The following SMG6 variants were observed in gnomAD, a reference collection of about 807,000 sequenced individuals.
SMG6 encodes the protein telomerase-binding protein EST1A.
SMG6 carries 66 observed loss-of-function variants against 142.2 expected under a neutral mutation model. The ratio of observed to expected loss-of-function variants is 0.46; its 90% CI spans 0.38 to 0.57. The LOEUF (loss-of-function observed/expected upper bound fraction) is 0.57. SMG6 is among the 20% of genes least tolerant of loss of function. SMG6 has a pLI of 0.00. For missense variants in SMG6, 1,793 were observed against 1,832.0 expected, an observed-to-expected ratio of 0.98 and a Z score of 0.39; for synonymous variants, 779 against 702.4, an observed-to-expected ratio of 1.11 and a Z score of -1.72.
intron 8 of SMG6, among the ~76,000 whole-genome samples, chr17:2,281,904 C>A (rs566126713): frequency 1.3e-5 from 2 of 152,292 alleles, no homozygotes; most frequent in African/African-American, 2.4e-5. Flanking sequence ...TTTACCACCT[C>A]CCTTTCCTTC....
chr17:2,278,046 T>A (rs1024499859), intron 8 of SMG6, among the ~76,000 whole-genome samples: 3 of 151,936 alleles, frequency 2.0e-5, no homozygotes, highest in African/African-American at 7.3e-5. Flanking sequence ...AGATCCTATC[T>A]CTCAAAAAAA....
chr17:2,085,978 G>T lies in SMG6; in HGVS notation c.3358-77C>A. The T allele has an allele frequency of 6.9e-7, 1 of 1,444,020 alleles. No individual in the cohort carries two copies. The highest frequency in any genetic ancestry group is 9.7e-7 in the Non-Finnish European group (1 of 1,029,378). The allele number at this position is 1,444,020 out of a possible 1,614,324, so 89.5% of individuals were successfully genotyped here. A position where few individuals can be genotyped will look rare whatever the true frequency, so the allele number is the denominator to read the frequency against. Reference sequence around the variant, plus strand: ...GGAGACGAGATGTTGCTTGCCGGCTGAGGGGCACAGGGGAACTGTGTCAAA... The same window carrying T: ...GGAGACGAGATGTTGCTTGCCGGCTTAGGGGCACAGGGGAACTGTGTCAAA... On this transcript the variant is annotated intron_variant, in intron 13 of 18. Coordinates refer to ENST00000263073, the MANE Select transcript of SMG6 (RefSeq NM_017575.5). This position sits in a 1 kb window ranked among gnomAD's most constrained non-coding sequence, Gnocchi z 4.1.
chr17:2,188,495 G>A lies in SMG6; in HGVS notation c.2890C>T (p.Arg964Cys), dbSNP rs139528710. 152 of 1,614,004 alleles carry A rather than the reference G, an allele frequency of 9.4e-5. 1 individual carries two copies. In the African/African-American group the frequency reaches 1.6e-3, roughly 17 times the overall value. ...QLKDCFSEEC[R>C]SVIQEQAAAL... is the part of the protein sequence containing the mutation. ...GCGGCTTGTTCCTGGATCACAGAGCGGCACTCCTCCGAGAAGCAGTCTGCG... is the reference window on the plus strand; with the variant it reads ...GCGGCTTGTTCCTGGATCACAGAGCAGCACTCCTCCGAGAAGCAGTCTGCG... Residue 964 changes from arginine to cysteine, a missense_variant, in exon 11 of 19, where the codon CGC (arginine) becomes TGC (cysteine). Around this residue, in one of 3 missense-constraint regions of SMG6, gnomAD observed 1,597 missense variants for 1,584.6 expected, o/e 1.01. Coordinates refer to ENST00000263073, the MANE Select transcript of SMG6 (RefSeq NM_017575.5).
At chr17:2,117,751 G>C (rs954703190) in intron 13 of SMG6, 1 of 152,070 alleles carries the variant, frequency 6.6e-6, no homozygotes, top group Non-Finnish European at 1.5e-5. Flanking sequence ...AGCGTTTGTC[G>C]TAAGAATTTT....
intron 13 of SMG6, among the ~76,000 whole-genome samples, chr17:2,142,741 A>T (rs781683383): frequency 2.6e-5 from 4 of 151,770 alleles, no homozygotes; most frequent in African/African-American, 9.7e-5. Context: ...AAAAAAAATT[A>T]GCCAGGCGTG....
intron 13 of SMG6, among the ~76,000 whole-genome samples, chr17:2,108,354 C>T (rs777961106): frequency 2.0e-5 from 3 of 152,228 alleles, no homozygotes; most frequent in Admixed American, 1.3e-4. Flanking sequence ...CAGTGACTCA[C>T]GCCTGTAATC....
chr17:2,064,195 G>C (rs982961902), intron 18 of SMG6, among the ~76,000 whole-genome samples: 1 of 152,164 alleles, frequency 6.6e-6, no homozygotes, highest in Admixed American at 6.5e-5. Flanking sequence ...ACCACTTATA[G>C]GTAGACAGAA....
At chr17:2,206,190 T>C (rs1365203405) in intron 10 of SMG6, among the ~76,000 whole-genome samples, 3 of 152,150 alleles carry the variant, frequency 2.0e-5, no homozygotes, top group South Asian at 2.1e-4. Context: ...AAGTTATCTA[T>C]ATGGTGAAAC....
At chr17:2,202,709 T>C (rs2072567135) in intron 10 of SMG6, among the ~76,000 whole-genome samples, 1 of 152,234 alleles carries the variant, frequency 6.6e-6, no homozygotes, top group Admixed American at 6.5e-5. Context: ...ACAAGGTGTT[T>C]TGCGTATTTT....
intron 13 of SMG6, among the ~76,000 whole-genome samples, chr17:2,108,853 A>G (rs2069228797): frequency 6.6e-6 from 1 of 152,146 alleles, no homozygotes; most frequent in Non-Finnish European, 1.5e-5. Flanking sequence ...CTGAGGTGGT[A>G]GAATCACTTG....
intron 16 of SMG6, among the ~76,000 whole-genome samples, chr17:2,066,499 C>T (rs749267847): frequency 6.6e-6 from 1 of 151,916 alleles, no homozygotes; most frequent in Non-Finnish European, 1.5e-5. Flanking sequence ...ATGTGCTCCT[C>T]GGGGGCTCTG....
Position 2,079,244 on chromosome 17 carries a change from G to A in SMG6, c.3681+2566C>T, listed in dbSNP as rs375273184. The stretch of plus-strand genomic sequence containing the variant: ...CTCCCAAAGTGTTGGCATTATAGGC[G>A]TGAGCCACCGTGCCTGGCCATATTG... On this transcript the variant is annotated intron_variant, in intron 15 of 18. Coordinates refer to ENST00000263073, the MANE Select transcript of SMG6 (RefSeq NM_017575.5). 2.0e-3 allele frequency among the ~76,000 whole-genome samples: 312 copies of A among 152,344 alleles called. 8 individuals carry two copies. In the South Asian group the frequency reaches 0.062, roughly 30 times the overall value.
intron 8 of SMG6, among the ~76,000 whole-genome samples, chr17:2,278,983 G>A (rs2074722079): frequency 6.6e-6 from 1 of 152,060 alleles, no homozygotes; most frequent in Non-Finnish European, 1.5e-5. Flanking sequence ...AGACACTGGG[G>A]ACAAAGAAGT....
At chr17:2,066,695 A>ACACACACACACACACACACAC (rs60525218) in intron 16 of SMG6, among the ~76,000 whole-genome samples, 11 of 149,638 alleles carry the variant, frequency 7.4e-5, no homozygotes, top group Middle Eastern at 3.4e-3. Context: ...ACACACACAC[A>ACACACACACACACACACACAC]ATGCCCATGC....
chr17:2,087,261 CCA>C (rs1274431825), intron 13 of SMG6: 2 of 1,284,020 alleles, frequency 1.6e-6, no homozygotes, highest in African/African-American at 3.0e-5. Context: ...CGGCTGGGTA[CCA>C]CAGAGAGCAG....
At position 2,299,778 on chromosome 17, in the gene SMG6, T is replaced by C. The variant is rs758039231; in HGVS notation, c.975A>G (p.Arg325=). The C allele has an allele frequency of 1.1e-5, 18 of 1,614,082 alleles. 1 individual carries two copies. In the Admixed American group the frequency reaches 2.2e-4, roughly 19 times the overall value. ...GGCCAGACCAGTTTCTTTCTAAATG[T>C]CTCTTCCTTTCTGAACTTCTCCTGG... ...LGPRRSSERK[R]HLERNWSGRG... is the part of the protein sequence containing the mutation. Residue 325 remains arginine, a synonymous_variant, in exon 2 of 19, where the codon AGA becomes AGG. Transcript: ENST00000263073. The surrounding 1 kb of genome is among the most constrained non-coding windows in gnomAD (Gnocchi z 4.3).
intron 3 of SMG6, 88 bp downstream of exon 3, chr17:2,297,775 T>C: frequency 6.8e-7 from 1 of 1,461,588 alleles, no homozygotes; most frequent in Non-Finnish European, 9.3e-7. Context: ...TATTCTGTTC[T>C]AAAACATAGT....
At chr17:2,291,429 T>A (rs1157857948) in intron 6 of SMG6, among the ~76,000 whole-genome samples, 3 of 148,712 alleles carry the variant, frequency 2.0e-5, no homozygotes, top group African/African-American at 7.4e-5. Flanking sequence ...AAAGAAGGAA[T>A]CAGGAAAAGA....
At chr17:2,243,573 T>C (rs939996712) in intron 9 of SMG6, among the ~76,000 whole-genome samples, 1 of 151,876 alleles carries the variant, frequency 6.6e-6, no homozygotes, top group Non-Finnish European at 1.5e-5. Context: ...CCCAGCTACT[T>C]GGGGGGCTGA....
Sources: gnomAD v4.1 joint callset for allele counts (sites outside exome capture counted in the v4.1 genomes callset) on GRCh38, gnomAD v4.1.1 for gene constraint, gnomAD v4.1.1 regional missense constraint, Gnocchi (gnomAD v3.1) non-coding constraint, MANE v1.5 for transcripts, NCBI Gene and HGNC (gene_info 2026-07-23, HGNC 2026-07-21) for gene names.